Variants in IPPK observed in about 807,000 individuals in gnomAD.
The protein encoded by IPPK is inositol-pentakisphosphate 2-kinase, also known as IPK1 homolog.
IPPK carries 22 observed loss-of-function variants against 64.6 expected under a neutral mutation model. The ratio of observed to expected loss-of-function variants is 0.34; its 90% CI spans 0.24 to 0.49. The LOEUF (loss-of-function observed/expected upper bound fraction) is 0.49, where lower values mean the gene tolerates loss of function less well. Among genes scored for constraint, IPPK ranks in the 20% least tolerant of loss-of-function variants. The pLI is 0.99. For missense variants in IPPK, 532 were observed against 630.7 expected (o/e 0.84, Z 1.68); for synonymous variants, 262 against 247.2 (o/e 1.06, Z -0.56).
intron 6 of IPPK, among the ~76,000 whole-genome samples, chr9:92,647,333 C>T (rs531514176): frequency 2.0e-5 from 3 of 152,302 alleles, no homozygotes; most frequent in African/African-American, 7.2e-5. Flanking sequence ...TTCTACCAAA[C>T]ATTTCAAGAA....
At chr9:92,647,283 A>G (rs1177297579) in intron 6 of IPPK, among the ~76,000 whole-genome samples, 1 of 152,178 alleles carries the variant, frequency 6.6e-6, no homozygotes, top group Non-Finnish European at 1.5e-5. Flanking sequence ...AAAATCTTCT[A>G]ACAAAGAAAA....
chr9:92,650,051 C>A (rs1401236509), intron 4 of IPPK, among the ~76,000 whole-genome samples: 4 of 127,162 alleles, frequency 3.1e-5, no homozygotes, highest in Non-Finnish European at 5.0e-5. Context: ...AAGGCGGGCA[C>A]GGTGGCTCAC....
rs180779164 is a variant in IPPK at position 92,659,578 on chromosome 9, G to A, written c.82-897C>T. Among the ~76,000 whole-genome samples the A allele has an allele frequency of 9.5e-4, 144 of 152,250 alleles. 1 individual carries two copies. Among genetic ancestry groups the A allele is most frequent in the Non-Finnish European group, 1.1e-3 (77 of 68,012 alleles). Reference sequence around the variant, plus strand: ...ATATGTAGGAGGAGAATGCGCCTGGGAGGGGCTCTAACGGCAGTGCAAAGG... The same window carrying A: ...ATATGTAGGAGGAGAATGCGCCTGGAAGGGGCTCTAACGGCAGTGCAAAGG... On this transcript the variant is annotated intron_variant, in intron 1 of 12. Coordinates refer to ENST00000287996, the MANE Select transcript of IPPK (RefSeq NM_022755.6).
intron 3 of IPPK, 135 bp downstream of exon 3, chr9:92,656,321 C>G (rs766096872): frequency 2.5e-4 from 165 of 652,996 alleles, no homozygotes; most frequent in Non-Finnish European, 4.4e-4. Context: ...CCACCCAGCA[C>G]AGCAAATGAG....
Position 92,634,407 on chromosome 9 carries a change from T to A in IPPK, c.1149A>T (p.Thr383=). ...LLDLSTEDDG[T]VAFALTKVQQ... ...CCACCTTCGTTAGCGCGAAGGCCAC[T>A]GTCCCGTCATCCTCAGTGGAAAGGT... The change falls in exon 11 of 13, where the codon ACA becomes ACT. Residue 383 remains threonine, a synonymous_variant. Coordinates refer to ENST00000287996, the MANE Select transcript of IPPK (RefSeq NM_022755.6). The A allele has an allele frequency of 6.2e-7, 1 of 1,614,038 alleles. No homozygotes were observed. Among genetic ancestry groups the A allele is most frequent in the Non-Finnish European group, 8.5e-7 (1 of 1,179,860 alleles).
At chr9:92,638,683 G>T (rs1851990815) in intron 8 of IPPK, among the ~76,000 whole-genome samples, 2 of 152,254 alleles carry the variant, frequency 1.3e-5, no homozygotes, top group Admixed American at 1.3e-4. Context: ...CAAACGTGAG[G>T]ATGGCAGTCA....
chr9:92,655,739 T>C (rs558541896), intron 3 of IPPK, among the ~76,000 whole-genome samples: 1 of 152,262 alleles, frequency 6.6e-6, no homozygotes, highest in South Asian at 2.1e-4. Flanking sequence ...GGATATGCCC[T>C]AGGGAAAAAA....
chr9:92,637,879 A>G, intron 9 of IPPK, 122 bp downstream of exon 9: 1 of 1,081,020 alleles, frequency 9.3e-7, no homozygotes, highest in Non-Finnish European at 1.3e-6. Flanking sequence ...CCCTGGCGTA[A>G]CCAGGTGGCA....
At chr9:92,627,587 A>G (rs569642700) in intron 11 of IPPK, among the ~76,000 whole-genome samples, 32 of 152,360 alleles carry the variant, frequency 2.1e-4, no homozygotes, top group Admixed American at 4.6e-4. Context: ...CATTAACAGA[A>G]TAAAGGACAA....
chr9:92,658,496 G>A, intron 2 of IPPK, 138 bp downstream of exon 2: 2 of 750,418 alleles, frequency 2.7e-6, no homozygotes, highest in Non-Finnish European at 2.3e-6. Flanking sequence ...AGGAATGATG[G>A]ACACACCACT....
At chr9:92,651,901 TTTTG>T (rs1041812457) in intron 4 of IPPK, among the ~76,000 whole-genome samples, 8 of 151,996 alleles carry the variant, frequency 5.3e-5, no homozygotes, top group South Asian at 2.1e-4. Context: ...CATATATATA[TTTTG>T]TTTGTTTGTT....
At chr9:92,653,094 A>G (rs2131454122) in intron 3 of IPPK, among the ~76,000 whole-genome samples, 1 of 152,362 alleles carries the variant, frequency 6.6e-6, no homozygotes. Flanking sequence ...CAGCATCTGA[A>G]GAATCACTTG....
Position 92,615,781 on chromosome 9 carries a change from C to A in IPPK, c.*51G>T. 7.1e-7 allele frequency: 1 copy of A among 1,408,000 alleles called. No homozygotes were observed. The highest frequency in any genetic ancestry group is 1.0e-6 in the Non-Finnish European group (1 of 996,250). The allele number at this position is 1,408,000 out of a possible 1,614,324, so 87.2% of individuals were successfully genotyped here. A position where few individuals can be genotyped will look rare whatever the true frequency, so the allele number is the denominator to read the frequency against. ...CCAACACAACAGAAAATATCTCTAT[C>A]ATTCAGCCTTCACATTATGTTCAAG... On this transcript the variant is annotated 3_prime_UTR_variant, in exon 13 of 13. Transcript: ENST00000287996.
In IPPK at chr9:92,635,118, C is replaced by A. The variant is rs200513330; in HGVS notation, c.1067+40G>T. 42 of 1,574,056 alleles carry A rather than the reference C, an allele frequency of 2.7e-5. No homozygotes were observed. The East Asian group carries it at 9.5e-4, about 35-fold the overall frequency. On this transcript the variant is annotated intron_variant, in intron 10 of 12. Transcript: ENST00000287996. The surrounding 1 kb of genome is among the most constrained non-coding windows in gnomAD (Gnocchi z 4.4). ...CTTACCCTGCCCACTCCCACAGTCT[C>A]CTCTCAGGGCTGCCCAACAGGGGGA...
intron 1 of IPPK, among the ~76,000 whole-genome samples, chr9:92,665,733 C>T (rs937050108): frequency 6.6e-6 from 1 of 152,132 alleles, no homozygotes; most frequent in Non-Finnish European, 1.5e-5. Flanking sequence ...ACTGTAAACA[C>T]ATCCTCATAT....
At position 92,656,551 on chromosome 9, in the gene IPPK, T is replaced by C. The variant is rs757780424; in HGVS notation, c.130A>G (p.Thr44Ala). Reference protein sequence around the residue: ...FLKFPPNRKKTSEEIFQHLQN... With the variant: ...FLKFPPNRKKASEEIFQHLQN... ...AGGTGTTGAAATATCTCTTCCGAGG[T>C]CTGTAAGAGACAACCACAGGACAGC... Residue 44 changes from threonine (T) to alanine (A), a missense_variant and splice_region_variant, in exon 3 of 13, where the codon ACC becomes GCC. Thr to Ala is a moderately conservative substitution (Grantham distance 58, BLOSUM62 0). Coordinates refer to ENST00000287996, the MANE Select transcript of IPPK (RefSeq NM_022755.6). 48 of 1,602,316 alleles carry C rather than the reference T, an allele frequency of 3.0e-5. 1 individual carries two copies. The East Asian group carries it at 8.3e-4, about 28-fold the overall frequency.
chr9:92,641,824 G>A (rs1240511541), intron 7 of IPPK, among the ~76,000 whole-genome samples: 1 of 152,192 alleles, frequency 6.6e-6, no homozygotes, highest in Non-Finnish European at 1.5e-5. Flanking sequence ...AGCAGGGGAA[G>A]AAAGAGGAAA....
At chr9:92,623,429 G>A (rs1375720332) in intron 11 of IPPK, among the ~76,000 whole-genome samples, 17 of 144,230 alleles carry the variant, frequency 1.2e-4, no homozygotes, top group Non-Finnish European at 2.1e-4. Context: ...GCGAGACTCC[G>A]TCTCAAAAAA....
At chr9:92,645,336 G>A (rs1446865753) in intron 6 of IPPK, among the ~76,000 whole-genome samples, 1 of 151,980 alleles carries the variant, frequency 6.6e-6, no homozygotes, top group Non-Finnish European at 1.5e-5. Context: ...AGGCTGCAGT[G>A]AGTCATGTTC....
Sources: gnomAD v4.1 joint callset for allele counts (sites outside exome capture counted in the v4.1 genomes callset) on GRCh38, gnomAD v4.1.1 for gene constraint, Gnocchi (gnomAD v3.1) non-coding constraint, MANE v1.5 for transcripts, NCBI Gene and HGNC (gene_info 2026-07-23, HGNC 2026-07-21) for gene names.